Variants in PAX8 observed in about 807,000 individuals in gnomAD.
The protein encoded by PAX8 is paired box 8.
In PAX8, 15 loss-of-function variants were observed where a neutral mutation model predicts 52.4. That is an observed-to-expected ratio of 0.29 (90% CI 0.19 to 0.44). The LOEUF (loss-of-function observed/expected upper bound fraction) is 0.44, where lower values mean the gene tolerates loss of function less well. PAX8 is among the 20% of genes least tolerant of loss of function. The pLI, the probability that PAX8 is intolerant of heterozygous loss-of-function variation, is 1.00. For synonymous variants in PAX8, 284 were observed against 249.7 expected (o/e 1.14, Z -1.29); for missense variants, 554 against 602.5 (o/e 0.92, Z 0.84).
chr2:113,230,968 A>T (rs1017946270), intron 9 of PAX8, among the ~76,000 whole-genome samples: 3 of 152,228 alleles, frequency 2.0e-5, no homozygotes, highest in African/African-American at 7.2e-5. Context: ...GTTCTCTAAG[A>T]AAACTCTAGC....
intron 2 of PAX8, among the ~76,000 whole-genome samples, chr2:113,277,661 G>C (rs1221825642): frequency 1.3e-5 from 2 of 152,196 alleles, no homozygotes. Flanking sequence ...CAAAGACCCT[G>C]CCCAGCCCTG....
chr2:113,277,981 C>T (rs1693944929), intron 2 of PAX8, among the ~76,000 whole-genome samples: 1 of 152,174 alleles, frequency 6.6e-6, no homozygotes, highest in African/African-American at 2.4e-5. Context: ...AGGAAGAGGA[C>T]TTAGAGGTCG....
At chr2:113,251,119 T>C (rs1420451824) in intron 2 of PAX8, among the ~76,000 whole-genome samples, 2 of 152,138 alleles carry the variant, frequency 1.3e-5, no homozygotes, top group African/African-American at 4.8e-5. Context: ...ATGGCCCCTA[T>C]GGTTTGAAGT....
intron 10 of PAX8, chr2:113,226,917 G>T: frequency 7.0e-7 from 1 of 1,420,768 alleles, no homozygotes; most frequent in Non-Finnish European, 9.3e-7. Context: ...ATCATGGAGG[G>T]TAATGTAGCA....
At chr2:113,232,782 A>G (rs1689971790) in intron 9 of PAX8, among the ~76,000 whole-genome samples, 1 of 152,068 alleles carries the variant, frequency 6.6e-6, no homozygotes, top group African/African-American at 2.4e-5. Flanking sequence ...ACTACAGCCT[A>G]TGTCTGCACT....
chr2:113,231,528 G>A (rs1028611742), intron 9 of PAX8, among the ~76,000 whole-genome samples: 1 of 139,456 alleles, frequency 7.2e-6, no homozygotes, highest in Non-Finnish European at 1.6e-5. Context: ...GTGACCCAGA[G>A]AAAAACGCTA....
intron 10 of PAX8, among the ~76,000 whole-genome samples, chr2:113,220,830 T>A (rs950911391): frequency 6.6e-6 from 1 of 152,210 alleles, no homozygotes; most frequent in Non-Finnish European, 1.5e-5. Flanking sequence ...TAGTTTGTTG[T>A]TCCATCCTGA....
chr2:113,217,923 C>T lies in PAX8; in HGVS notation c.*610G>A, dbSNP rs1023382967. 1.3e-5 allele frequency: 3 copies of T among 233,304 alleles called. No homozygotes were observed. The highest frequency in any genetic ancestry group is 4.4e-5 in the African/African-American group (2 of 45,334). The allele number at this position is 233,304 out of a possible 1,614,324, so 14.5% of individuals were successfully genotyped here. A position where few individuals can be genotyped will look rare whatever the true frequency, so the allele number is the denominator to read the frequency against. On this transcript the variant is annotated 3_prime_UTR_variant, in exon 12 of 12. Coordinates refer to ENST00000429538, the MANE Select transcript of PAX8 (RefSeq NM_003466.4). ...CCTGGTGGAATTTCTGAGGGACTCG[C>T]TCCAGCCCTCAGCCCATGCCCAAGA...
chr2:113,260,830 T>G (rs935365), intron 2 of PAX8, among the ~76,000 whole-genome samples: 32,523 of 151,864 alleles, frequency 0.21, 3,598 homozygotes, highest in Non-Finnish European at 0.24. Context: ...AAGGGTGGGC[T>G]TTAGCCTGAA....
At chr2:113,242,899 A>G (rs1473849922) in intron 4 of PAX8, 121 bp from the exon 5 acceptor site, 4 of 739,080 alleles carry the variant, frequency 5.4e-6, no homozygotes, top group Non-Finnish European at 7.5e-6. Flanking sequence ...TTGAAACTCA[A>G]CTGTCCACAG....
Position 113,278,382 on chromosome 2 carries a change from AGTT to A in PAX8, c.10_12del (p.Asn4del). ...ACCGCGTTCTTACCAGATCTGATGG[AGTT>A]GTGAGGCATCGCCGGGGAGTCGCTC... On this transcript the variant is annotated inframe_deletion, in exon 2 of 12. Transcript: ENST00000429538. 6.2e-7 allele frequency: 1 copy of A among 1,609,054 alleles called. No individual in the cohort carries two copies.
intron 2 of PAX8, among the ~76,000 whole-genome samples, chr2:113,260,309 G>A (rs1692573283): frequency 6.6e-6 from 1 of 152,190 alleles, no homozygotes; most frequent in Admixed American, 6.5e-5. Flanking sequence ...GTGTATATGG[G>A]TGTCTGTGTG....
intron 2 of PAX8, among the ~76,000 whole-genome samples, chr2:113,247,779 A>G (rs767378141): frequency 6.6e-6 from 1 of 152,252 alleles, no homozygotes; most frequent in East Asian, 1.9e-4. Flanking sequence ...CGCACTGCAC[A>G]GGTCCCTGAT....
intron 9 of PAX8, among the ~76,000 whole-genome samples, chr2:113,231,660 T>C (rs1162015887): frequency 6.6e-6 from 1 of 152,236 alleles, no homozygotes; most frequent in Non-Finnish European, 1.5e-5. Context: ...CACTGTGTCC[T>C]CTCTCCTCTC....
intron 9 of PAX8, among the ~76,000 whole-genome samples, chr2:113,230,795 G>A (rs936655664): frequency 5.9e-5 from 9 of 152,180 alleles, no homozygotes; most frequent in Non-Finnish European, 7.3e-5. Context: ...ACTCCATCAC[G>A]GCCTAACCAT....
rs759021324 is a variant in PAX8, at chr2:113,241,585, G to A, written c.743C>T (p.Ala248Val). Reference sequence around the variant, plus strand: ...TTTGGTGTGGCTGGGGGAGGCATAGGCCTCTGGGTAGTGCTGCCGCTCAAA... The same window carrying A: ...TTTGGTGTGGCTGGGGGAGGCATAGACCTCTGGGTAGTGCTGCCGCTCAAA... ...CPFERQHYPEAYASPSHTKGE... is the reference protein window; with the variant it reads ...CPFERQHYPEVYASPSHTKGE... Residue 248 changes from alanine (A) to valine (V), a missense_variant, in exon 7 of 12, where the codon GCC becomes GTC. Transcript: ENST00000429538. 2 of 1,611,342 alleles carry A rather than the reference G, an allele frequency of 1.2e-6. No individual in the cohort carries two copies. Among genetic ancestry groups the A allele is most frequent in the Admixed American group, 3.3e-5 (2 of 59,724 alleles).
At position 113,226,016 on chromosome 2, in the gene PAX8, T is replaced by G. The variant is rs999234136; in HGVS notation, c.1189+1139A>C. 6 of 985,678 alleles carry G rather than the reference T, an allele frequency of 6.1e-6. No homozygotes were observed. In the East Asian group the frequency reaches 5.7e-4, roughly 93 times the overall value. 61.1% of individuals were successfully genotyped at this position (985,678 alleles called of 1,614,324 possible). ...AGTATTCTGTATTTTCAACGCTGCA[T>G]TAAGCACATCGCCACGGTAACCAGG... On this transcript the variant is annotated intron_variant, in intron 10 of 11. Coordinates refer to ENST00000429538, the MANE Select transcript of PAX8 (RefSeq NM_003466.4).
rs539220164 is a variant in PAX8 at position 113,228,689 on chromosome 2, T to G, written c.1088-1433A>C. Among the ~76,000 whole-genome samples, 78 of 152,350 alleles carry G rather than the reference T, an allele frequency of 5.1e-4. 1 individual carries two copies. The highest frequency in any genetic ancestry group is 1.9e-3 in the African/African-American group (77 of 41,584). ...CAAATGCCTTCTGCCTCTTCCATTTTGGGGGCTGCTTTTTCCTCCCAGGAC... is the reference window on the plus strand; with the variant it reads ...CAAATGCCTTCTGCCTCTTCCATTTGGGGGGCTGCTTTTTCCTCCCAGGAC... On this transcript the variant is annotated intron_variant, in intron 9 of 11. Coordinates refer to ENST00000429538, the MANE Select transcript of PAX8 (RefSeq NM_003466.4).
chr2:113,242,156 CAG>C (rs1260603403), intron 5 of PAX8, 26 bp from the exon 6 acceptor site: 5 of 1,605,760 alleles, frequency 3.1e-6, no homozygotes, highest in East Asian at 4.5e-5. Context: ...GGGAGAGGGT[CAG>C]GGGTGGGAGT....
Sources: allele counts gnomAD v4.1 joint callset (sites outside exome capture counted in the v4.1 genomes callset), GRCh38; gene constraint gnomAD v4.1.1; transcripts MANE v1.5; gene names NCBI Gene and HGNC (gene_info 2026-07-23, HGNC 2026-07-21).